Variants in CNTNAP4 observed in about 807,000 individuals in gnomAD.
CNTNAP4 encodes the protein contactin associated protein family member 4.
In CNTNAP4, 98 loss-of-function variants were observed where a neutral mutation model predicts 148.4. That is an observed-to-expected ratio of 0.66 (90% confidence interval 0.56 to 0.78). CNTNAP4 has a LOEUF of 0.78. CNTNAP4 is among the 30% of genes least tolerant of loss of function. The pLI, the probability that CNTNAP4 is intolerant of heterozygous loss-of-function variation, is 0.00. For missense variants in CNTNAP4, 1,935 were observed against 1,565.6 expected, an observed-to-expected ratio of 1.24 and a Z score of -3.98; for synonymous variants, 730 against 565.1, an observed-to-expected ratio of 1.29 and a Z score of -4.14.
At chr16:76,500,880 A>G (rs1418998142) in intron 15 of CNTNAP4, among the ~76,000 whole-genome samples, 1 of 152,086 alleles carries the variant, frequency 6.6e-6, no homozygotes, top group Non-Finnish European at 1.5e-5. Context: ...TAGTGCATTA[A>G]ATATGTATGC....
At chr16:76,540,191 T>A (rs1351091229) in intron 20 of CNTNAP4, among the ~76,000 whole-genome samples, 3 of 152,060 alleles carry the variant, frequency 2.0e-5, no homozygotes, top group Non-Finnish European at 4.4e-5. Flanking sequence ...AAATAATGAT[T>A]GTAATATCAG....
intron 3 of CNTNAP4, among the ~76,000 whole-genome samples, chr16:76,368,204 A>T (rs1051388653): frequency 6.6e-5 from 10 of 152,124 alleles, no homozygotes; most frequent in African/African-American, 2.4e-4. Flanking sequence ...GATTTGGCTA[A>T]AGATAAAGAG....
At chr16:76,382,050 G>A (rs1225415324) in intron 3 of CNTNAP4, among the ~76,000 whole-genome samples, 1 of 103,520 alleles carries the variant, frequency 9.7e-6, no homozygotes, top group African/African-American at 3.9e-5. Flanking sequence ...GACAGAGCGA[G>A]ACTCCGTCTC....
At chr16:76,506,687 T>C (rs1321971834) in intron 15 of CNTNAP4, among the ~76,000 whole-genome samples, 3 of 93,344 alleles carry the variant, frequency 3.2e-5, no homozygotes, top group African/African-American at 7.9e-5. Flanking sequence ...GCCAGGCTGG[T>C]GTCGAACCCC....
rs1242403350 is a variant in CNTNAP4, at chr16:76,316,519, A to G, written c.192A>G (p.Arg64=). The stretch of plus-strand genomic sequence containing the variant: ...CTGGATTTGCAAGGCTGAATAGAAG[A>G]GATGGTAAGTCTGCTTTTCTCCTCT... ...HGPGFARLNR[R]DGAGGWSPLV... The change falls in exon 2 of 24, where the codon AGA becomes AGG. Residue 64 remains arginine (R), a synonymous_variant. Transcript: ENST00000611870. The G allele has an allele frequency of 3.7e-6, 6 of 1,608,538 alleles. No individual in the cohort carries two copies. Among genetic ancestry groups the G allele is most frequent in the Non-Finnish European group, 5.1e-6 (6 of 1,175,174 alleles).
chr16:76,415,884 TTA>T (rs758249402), intron 3 of CNTNAP4, among the ~76,000 whole-genome samples: 1 of 151,270 alleles, frequency 6.6e-6, no homozygotes, highest in Non-Finnish European at 1.5e-5. Flanking sequence ...CATCATCAGT[TTA>T]TGTCTTTTAT....
intron 3 of CNTNAP4, among the ~76,000 whole-genome samples, chr16:76,392,260 C>T (rs2078050408): frequency 6.6e-6 from 1 of 152,176 alleles, no homozygotes; most frequent in Admixed American, 6.5e-5. Flanking sequence ...TCCCAAACTG[C>T]TGGGATTACA....
At position 76,491,124 on chromosome 16, in the gene CNTNAP4, C is replaced by G. The variant is rs148550476; in HGVS notation, c.2080+1241C>G. On this transcript the variant is annotated intron_variant, in intron 13 of 23. Transcript: ENST00000611870. The stretch of plus-strand genomic sequence containing the variant: ...TTTTCTCCCCTGTGACTGACTGCCC[C>G]CTTGCCCTTCTTCTCCTCTTTCTCC... 3.0e-3 allele frequency among the ~76,000 whole-genome samples: 454 copies of G among 152,224 alleles called. 3 individuals carry two copies. Among genetic ancestry groups the G allele is most frequent in the Middle Eastern group, 0.01 (3 of 294 alleles).
chr16:76,507,700 A>C (rs2082879977), intron 15 of CNTNAP4, among the ~76,000 whole-genome samples: 1 of 98,030 alleles, frequency 1.0e-5, no homozygotes, highest in African/African-American at 2.6e-5. Flanking sequence ...TTCTAACTGT[A>C]GTTGCAGTAT....
At chr16:76,368,659 C>G (rs962357233) in intron 3 of CNTNAP4, among the ~76,000 whole-genome samples, 1 of 151,972 alleles carries the variant, frequency 6.6e-6, no homozygotes, top group Non-Finnish European at 1.5e-5. Context: ...ACATCACACA[C>G]CGGGGCCTGT....
chr16:76,353,316 C>T (rs1377884993), intron 2 of CNTNAP4, among the ~76,000 whole-genome samples: 1 of 152,148 alleles, frequency 6.6e-6, no homozygotes, highest in African/African-American at 2.4e-5. Context: ...AGTGTGATGC[C>T]ATCAAGAGAG....
chr16:76,415,739 A>G (rs949055036), intron 3 of CNTNAP4, among the ~76,000 whole-genome samples: 2 of 151,290 alleles, frequency 1.3e-5, no homozygotes, highest in East Asian at 1.9e-4. Context: ...CCTGGAAATA[A>G]TCAGCTTTCT....
At position 76,333,724 on chromosome 16, in the gene CNTNAP4, C is replaced by G. The variant is rs369928594; in HGVS notation, c.196+17201C>G. 1.4e-4 allele frequency among the ~76,000 whole-genome samples: 20 copies of G among 146,202 alleles called. No homozygotes were observed. In the South Asian group the frequency reaches 4.1e-3, roughly 30 times the overall value. Reference sequence around the variant, plus strand: ...TATTACAGTGTACTAACTCAAAAATCAGATGATCTCTTCCTCCATAAAGGG... The same window carrying G: ...TATTACAGTGTACTAACTCAAAAATGAGATGATCTCTTCCTCCATAAAGGG... On this transcript the variant is annotated intron_variant, in intron 2 of 23. Coordinates refer to ENST00000611870, the MANE Select transcript of CNTNAP4 (RefSeq NM_033401.5).
chr16:76,385,086 T>C (rs1198129044), intron 3 of CNTNAP4, among the ~76,000 whole-genome samples: 1 of 152,216 alleles, frequency 6.6e-6, no homozygotes, highest in Non-Finnish European at 1.5e-5. Flanking sequence ...ATGAAACAGT[T>C]TACATGACAG....
At chr16:76,478,578 A>G (rs1339515610) in intron 11 of CNTNAP4, among the ~76,000 whole-genome samples, 13 of 152,202 alleles carry the variant, frequency 8.5e-5, no homozygotes, top group Admixed American at 8.5e-4. Context: ...ATTATTTCTC[A>G]TTTCACAGAA....
intron 4 of CNTNAP4, among the ~76,000 whole-genome samples, chr16:76,441,670 G>T (rs1386759918): frequency 1.3e-5 from 2 of 152,126 alleles, no homozygotes; most frequent in East Asian, 3.9e-4. Flanking sequence ...ACCTGGCAAT[G>T]ACATTGATAA....
At chr16:76,333,722 A>G (rs1266771030) in intron 2 of CNTNAP4, among the ~76,000 whole-genome samples, 1 of 149,542 alleles carries the variant, frequency 6.7e-6, no homozygotes, top group African/African-American at 2.5e-5. Context: ...TAACTCAAAA[A>G]TCAGATGATC....
At chr16:76,399,399 T>C (rs2078324818) in intron 3 of CNTNAP4, among the ~76,000 whole-genome samples, 1 of 152,244 alleles carries the variant, frequency 6.6e-6, no homozygotes, top group African/African-American at 2.4e-5. Flanking sequence ...AATAGTTATT[T>C]GTTTTTATTC....
intron 8 of CNTNAP4, among the ~76,000 whole-genome samples, chr16:76,458,258 G>A (rs140025752): frequency 2.4e-4 from 37 of 152,058 alleles, no homozygotes; most frequent in South Asian, 4.2e-4. Context: ...CAATAAATAC[G>A]TGAATGCAGG....
Sources: allele counts gnomAD v4.1 joint callset (sites outside exome capture counted in the v4.1 genomes callset), GRCh38; gene constraint gnomAD v4.1.1; transcripts MANE v1.5; gene names NCBI Gene and HGNC (gene_info 2026-07-23, HGNC 2026-07-21).